The following NMRAL1 variants were observed in gnomAD, a reference collection of about 807,000 sequenced individuals.
The protein encoded by NMRAL1 is NmrA like redox sensor 1.
Under a neutral mutation model 27.5 loss-of-function variants are expected in NMRAL1, and 32 were observed. That is an observed-to-expected ratio of 1.16 (90% CI 0.88 to 1.56). The LOEUF is 1.56. NMRAL1 is among the 40% of genes most tolerant of loss of function. The pLI, the probability that NMRAL1 is intolerant of heterozygous loss-of-function variation, is 0.00. For missense variants in NMRAL1, 420 were observed against 392.0 expected (o/e 1.07, Z -0.60); for synonymous variants, 166 against 166.8 (o/e 1.00, Z 0.04).
Position 4,461,945 on chromosome 16 carries a change from G to C in NMRAL1, c.735C>G (p.Asp245Glu), listed in dbSNP as rs757395113. 2.5e-5 allele frequency: 41 copies of C among 1,612,054 alleles called. 2 individuals are homozygous for C. The South Asian group carries it at 4.4e-4, about 17-fold the overall frequency. ...CACCGGGAAAGCCAAGCTTTTCGTA[G>C]TCCTCAGGAGTCATCTGGAAGCAGA... ...VVHDAKMTPE[D>E]YEKLGFPGAR... The change falls in exon 6 of 6, where the codon GAC (aspartate) becomes GAG (glutamate). Residue 245 changes from aspartate (D) to glutamate (E), a missense_variant. Asp to Glu is a conservative substitution (Grantham distance 45). Coordinates refer to ENST00000283429, the MANE Select transcript of NMRAL1 (RefSeq NM_020677.6).
At chr16:4,469,176 G>T (rs528589517) in intron 3 of NMRAL1, 51 bp downstream of exon 3, 2 of 1,281,802 alleles carry the variant, frequency 1.6e-6, no homozygotes, top group Non-Finnish European at 2.3e-6. Context: ...CCTCCCAGGC[G>T]CTCTGCTCCT....
In NMRAL1 at chr16:4,463,762, T is replaced by C; in HGVS notation, c.618A>G (p.Lys206=). 1 of 1,614,086 alleles carries C rather than the reference T, an allele frequency of 6.2e-7. No homozygotes were observed. Among genetic ancestry groups the C allele is most frequent in the South Asian group, 1.1e-5 (1 of 91,090 alleles). ...VVLSLLKMPE[K]YVGQNIGLST... ...TCAGCCCGATGTTCTGGCCGACGTA[T>C]TTTTCTGGCATCTTCAAAAGGCTGA... The change falls in exon 5 of 6, where the codon AAA becomes AAG. Residue 206 remains lysine, a synonymous_variant. Coordinates refer to ENST00000283429, the MANE Select transcript of NMRAL1 (RefSeq NM_020677.6).
chr16:4,473,131 C>A (rs184689392), intron 2 of NMRAL1, among the ~76,000 whole-genome samples: 2 of 152,096 alleles, frequency 1.3e-5, no homozygotes, highest in East Asian at 3.9e-4. Context: ...CCACGCCCCA[C>A]TAATTTTTGT....
intron 4 of NMRAL1, among the ~76,000 whole-genome samples, chr16:4,465,321 C>A (rs1241758501): frequency 6.6e-6 from 1 of 152,108 alleles, no homozygotes; most frequent in Non-Finnish European, 1.5e-5. Context: ...GCGAGGGTGA[C>A]CTGGCATTCA....
intron 2 of NMRAL1, among the ~76,000 whole-genome samples, chr16:4,472,724 A>G (rs1401500441): frequency 6.6e-6 from 1 of 150,382 alleles, no homozygotes; most frequent in African/African-American, 2.5e-5. Flanking sequence ...TGCCTGGGCA[A>G]CAGAGCGGGA....
Position 4,469,217 on chromosome 16 carries a change from C to CA in NMRAL1, c.279+9_279+10insT. Reference sequence around the variant, plus strand: ...GGCCGGGCCTCCCTGCAGCTCCTGCCTGCCCTCACCTGCTTGACCTCCTGC... The same window carrying CA: ...GGCCGGGCCTCCCTGCAGCTCCTGCCATGCCCTCACCTGCTTGACCTCCTGC... On this transcript the variant is annotated intron_variant, in intron 3 of 5. Coordinates refer to ENST00000283429, the MANE Select transcript of NMRAL1 (RefSeq NM_020677.6). The CA allele has an allele frequency of 6.2e-7, 1 of 1,602,260 alleles. No homozygotes were observed. The highest frequency in any genetic ancestry group is 1.7e-5 in the Admixed American group (1 of 60,006).
rs369306379 is a variant in NMRAL1, at chr16:4,461,748, C to T, written c.*32G>A. ...GGTGCCTCTGCCCCTCTGGTGCCCC[C>T]GATCCCCACAAGGGGCCGCGAGGCG... On this transcript the variant is annotated 3_prime_UTR_variant, in exon 6 of 6. Coordinates refer to ENST00000283429, the MANE Select transcript of NMRAL1 (RefSeq NM_020677.6). 6.2e-5 allele frequency: 97 copies of T among 1,568,688 alleles called. No homozygotes were observed. Among genetic ancestry groups the T allele is most frequent in the African/African-American group, 3.6e-4 (26 of 73,214 alleles).
At chr16:4,470,204 T>C (rs1361731002) in intron 2 of NMRAL1, among the ~76,000 whole-genome samples, 1 of 136,626 alleles carries the variant, frequency 7.3e-6, no homozygotes, top group Non-Finnish European at 1.5e-5. Flanking sequence ...GTGCAGTGGC[T>C]CACACCTGTA....
chr16:4,470,793 A>G (rs918593549), intron 2 of NMRAL1, among the ~76,000 whole-genome samples: 2 of 150,834 alleles, frequency 1.3e-5, no homozygotes, highest in Non-Finnish European at 3.0e-5. Flanking sequence ...TAAAAATACA[A>G]AAACTTAGCC....
intron 5 of NMRAL1, among the ~76,000 whole-genome samples, chr16:4,463,013 C>G (rs1222449818): frequency 1.3e-5 from 2 of 152,046 alleles, no homozygotes; most frequent in Non-Finnish European, 2.9e-5. Context: ...TGCCACCACA[C>G]CCGGCTAATT....
intron 1 of NMRAL1, 63 bp from the exon 2 acceptor site, chr16:4,474,229 G>GGGGGTGTCCTTTGTC: frequency 8.0e-7 from 1 of 1,245,752 alleles, no homozygotes; most frequent in Non-Finnish European, 1.2e-6. Flanking sequence ...GAGCGACAAA[G>GGGGGTGTCCTTTGTC]GACACCCCCA....
chr16:4,475,292 C>T (rs2057787277), upstream of NMRAL1, among the ~76,000 whole-genome samples: 1 of 151,084 alleles, frequency 6.6e-6, no homozygotes. Flanking sequence ...GCACTGATTT[C>T]AGTTTTTTTT....
chr16:4,465,949 C>T (rs1490268546), intron 4 of NMRAL1, among the ~76,000 whole-genome samples: 1 of 152,128 alleles, frequency 6.6e-6, no homozygotes, highest in African/African-American at 2.4e-5. Flanking sequence ...ATCTTGCCAC[C>T]CCTGCAAACA....
chr16:4,462,220 C>T (rs541428600), intron 5 of NMRAL1, among the ~76,000 whole-genome samples: 12 of 152,308 alleles, frequency 7.9e-5, no homozygotes, highest in Admixed American at 1.3e-4. Context: ...GGCTCATGCC[C>T]GTAATCCCTG....
chr16:4,474,841 T>G (rs2057770186), upstream of NMRAL1: 1 of 152,256 alleles, frequency 6.6e-6, no homozygotes, highest in African/African-American at 2.4e-5. Flanking sequence ...AACATCTTAA[T>G]TTTCAGGTAT....
At chr16:4,472,812 A>G (rs189157087) in intron 2 of NMRAL1, among the ~76,000 whole-genome samples, 128 of 152,124 alleles carry the variant, frequency 8.4e-4, no homozygotes, top group Non-Finnish European at 1.4e-3. Context: ...AAAACATGCT[A>G]ACTGAAGAAG....
chr16:4,463,177 G>T (rs1210983057), intron 5 of NMRAL1, among the ~76,000 whole-genome samples: 1 of 152,154 alleles, frequency 6.6e-6, no homozygotes, highest in Non-Finnish European at 1.5e-5. Context: ...TAATGAGTAT[G>T]TCTTACTTTC....
chr16:4,466,435 C>A, intron 3 of NMRAL1, 33 bp from the exon 4 acceptor site: 1 of 1,602,028 alleles, frequency 6.2e-7, no homozygotes, highest in Non-Finnish European at 8.5e-7. Flanking sequence ...TCACAAGGCT[C>A]AGAAGAAGGA....
chr16:4,475,046 G>A (rs1369173383), upstream of NMRAL1, among the ~76,000 whole-genome samples: 1 of 151,912 alleles, frequency 6.6e-6, no homozygotes, highest in Non-Finnish European at 1.5e-5. Flanking sequence ...CCGCCCCCCG[G>A]GTTCAAGAGA....
Sources: allele counts gnomAD v4.1 joint callset (sites outside exome capture counted in the v4.1 genomes callset), GRCh38; gene constraint gnomAD v4.1.1; transcripts MANE v1.5; gene names NCBI Gene and HGNC (gene_info 2026-07-23, HGNC 2026-07-21).